SLC23A2: variants seen among roughly 807,000 people sequenced by gnomAD.
The protein encoded by SLC23A2 is Na(+)/L-ascorbic acid transporter 2.
Under a neutral mutation model 73.3 loss-of-function variants are expected in SLC23A2, and 36 were observed. The ratio of observed to expected loss-of-function variants is 0.49; its 90% confidence interval spans 0.38 to 0.65. The LOEUF (loss-of-function observed/expected upper bound fraction) is 0.65. SLC23A2 is among the 30% of genes least tolerant of loss of function. The pLI is 0.00. For missense variants in SLC23A2, 507 were observed against 841.6 expected (o/e 0.60, Z 4.92); for synonymous variants, 343 against 327.3 (o/e 1.05, Z -0.52).
intron 2 of SLC23A2, among the ~76,000 whole-genome samples, chr20:4,943,428 G>A: frequency 6.6e-6 from 1 of 151,968 alleles, no homozygotes; most frequent in Non-Finnish European, 1.5e-5. Flanking sequence ...AGCACTTTGG[G>A]AGGCTGAGGC....
chr20:4,871,002 CT>C (rs1293509935), intron 11 of SLC23A2, among the ~76,000 whole-genome samples: 1 of 152,128 alleles, frequency 6.6e-6, no homozygotes, highest in Non-Finnish European at 1.5e-5. Context: ...TCATTAGATA[CT>C]TTTTTCTTCA....
intron 3 of SLC23A2, 23 bp from the exon 4 acceptor site, chr20:4,913,001 G>GGCC: frequency 6.6e-7 from 1 of 1,518,294 alleles, no homozygotes; most frequent in Non-Finnish European, 9.1e-7. Flanking sequence ...TCCACTTAGA[G>GGCC]GCTGTTTCAG....
At chr20:4,991,810 A>T (rs2087930463) in intron 1 of SLC23A2, among the ~76,000 whole-genome samples, 1 of 151,776 alleles carries the variant, frequency 6.6e-6, no homozygotes, top group Non-Finnish European at 1.5e-5. Context: ...AGAGACACTG[A>T]CTTTTTCTGT....
chr20:4,894,426 C>T (rs1157126776), intron 6 of SLC23A2, among the ~76,000 whole-genome samples: 1 of 152,180 alleles, frequency 6.6e-6, no homozygotes, highest in Non-Finnish European at 1.5e-5. Flanking sequence ...ACTTTCATGC[C>T]AGGGGAGAGA....
chr20:4,965,187 T>A (rs942730608), intron 2 of SLC23A2, among the ~76,000 whole-genome samples: 2 of 152,158 alleles, frequency 1.3e-5, no homozygotes, highest in Non-Finnish European at 2.9e-5. Flanking sequence ...GGGCTAGAGT[T>A]TCCTGGTAAC....
intron 6 of SLC23A2, among the ~76,000 whole-genome samples, chr20:4,897,736 T>C (rs1931597868): frequency 6.6e-6 from 1 of 152,142 alleles, no homozygotes; most frequent in African/African-American, 2.4e-5. Context: ...CTGTGTCCCA[T>C]TAGCAACTTT....
chr20:4,904,036 T>G (rs1010570203), intron 4 of SLC23A2, among the ~76,000 whole-genome samples: 2 of 152,154 alleles, frequency 1.3e-5, no homozygotes, highest in African/African-American at 4.8e-5. Context: ...GGCTCACACC[T>G]GTGGTCCCAG....
At chr20:4,990,910 T>G (rs2087913678) in intron 1 of SLC23A2, among the ~76,000 whole-genome samples, 1 of 143,196 alleles carries the variant, frequency 7.0e-6, no homozygotes, top group South Asian at 2.2e-4. Flanking sequence ...AGAAGGAGGT[T>G]GCAGTGAGCT....
chr20:4,905,184 A>G (rs948225704), intron 4 of SLC23A2, among the ~76,000 whole-genome samples: 10 of 151,454 alleles, frequency 6.6e-5, no homozygotes, highest in Admixed American at 5.3e-4. Context: ...ACACAGGCGC[A>G]TGTATGCACA....
Position 4,862,413 on chromosome 20 carries a change from T to A in SLC23A2, c.1487-328A>T, listed in dbSNP as rs1297741044. On this transcript the variant is annotated intron_variant, in intron 14 of 16. Coordinates refer to ENST00000338244, the MANE Select transcript of SLC23A2 (RefSeq NM_005116.6). This position sits in a 1 kb window ranked among gnomAD's most constrained non-coding sequence, Gnocchi z 5.1. ...CAGGGAGACCTACCTAAATATCTGGTGCATGTCTCTGGTTATTACAGCTAA... is the reference window on the plus strand; with the variant it reads ...CAGGGAGACCTACCTAAATATCTGGAGCATGTCTCTGGTTATTACAGCTAA... 1.3e-5 allele frequency among the ~76,000 whole-genome samples: 2 copies of A among 152,224 alleles called. No individual in the cohort carries two copies. Among genetic ancestry groups the A allele is most frequent in the Non-Finnish European group, 1.5e-5 (1 of 68,036 alleles).
intron 1 of SLC23A2, 119 bp downstream of exon 1, chr20:5,001,287 G>A (rs2088119890): frequency 6.8e-6 from 1 of 147,372 alleles, no homozygotes; most frequent in Non-Finnish European, 1.5e-5. Flanking sequence ...CGGGGCCGGT[G>A]GGTGACAGCG....
rs1931805294 is a variant in SLC23A2 at position 4,902,954 on chromosome 20, A to G, written c.208-396T>C. On this transcript the variant is annotated intron_variant, in intron 4 of 16. Transcript: ENST00000338244. This position sits in a 1 kb window ranked among gnomAD's most constrained non-coding sequence, Gnocchi z 4.0. ...AAAAAAATCTTAGAAAATTTTAACC[A>G]CTTTCAAAGAGACAGCACACTGATC... Among the ~76,000 whole-genome samples the G allele has an allele frequency of 6.6e-6, 1 of 152,032 alleles. No homozygotes were observed. The highest frequency in any genetic ancestry group is 2.4e-5 in the African/African-American group (1 of 41,384).
intron 2 of SLC23A2, among the ~76,000 whole-genome samples, chr20:4,955,177 C>A (rs996218343): frequency 5.9e-5 from 9 of 151,938 alleles, no homozygotes; most frequent in African/African-American, 2.2e-4. Flanking sequence ...TGGCTTGACT[C>A]CATGAGTTTG....
intron 2 of SLC23A2, among the ~76,000 whole-genome samples, chr20:4,966,973 G>C (rs910044843): frequency 5.9e-5 from 9 of 152,066 alleles, no homozygotes; most frequent in Admixed American, 1.3e-4. Context: ...TCCACACACA[G>C]AACTGAGAGG....
At chr20:4,901,406 G>A (rs563265200) in intron 5 of SLC23A2, among the ~76,000 whole-genome samples, 1 of 152,308 alleles carries the variant, frequency 6.6e-6, no homozygotes, top group African/African-American at 2.4e-5. Context: ...AAAATGCTAA[G>A]TCCGACCTCA....
intron 2 of SLC23A2, among the ~76,000 whole-genome samples, chr20:4,953,075 AG>A (rs1452273572): frequency 6.6e-6 from 1 of 152,054 alleles, no homozygotes; most frequent in African/African-American, 2.4e-5. Flanking sequence ...TGGGAGGCCG[AG>A]GCAGGCGGAT....
intron 4 of SLC23A2, among the ~76,000 whole-genome samples, chr20:4,911,524 C>T (rs1044070913): frequency 1.3e-5 from 2 of 152,116 alleles, no homozygotes; most frequent in Non-Finnish European, 1.5e-5. Flanking sequence ...TATGTGTCAA[C>T]TTCTGGGTGG....
chr20:4,867,057 T>TAAAAAA lies in SLC23A2; in HGVS notation c.1356+707_1356+712dup, dbSNP rs71197732. Among the ~76,000 whole-genome samples the TAAAAAA allele has an allele frequency of 2.4e-4, 18 of 76,474 alleles. No individual in the cohort carries two copies. The East Asian group carries it at 6.5e-3, about 27-fold the overall frequency. 50.2% of individuals were successfully genotyped at this position (76,474 alleles called of 152,430 possible). On this transcript the variant is annotated intron_variant, in intron 13 of 16. Coordinates refer to ENST00000338244, the MANE Select transcript of SLC23A2 (RefSeq NM_005116.6). ...TCATCACTGCAGTCAAAGCGATCCCTAAAAAAAAAAAAAAAAAAAAAAAAA... is the reference window on the plus strand; with the variant it reads ...TCATCACTGCAGTCAAAGCGATCCCTAAAAAAAAAAAAAAAAAAAAAAAAAAAAAAA...
At chr20:4,914,834 A>C (rs116031409) in intron 3 of SLC23A2, among the ~76,000 whole-genome samples, 8,598 of 152,238 alleles carry the variant, frequency 0.056, 468 homozygotes, top group African/African-American at 0.14. Flanking sequence ...TGAGGTCGGG[A>C]GTTCGAGACC....
Sources: gnomAD v4.1 joint callset for allele counts (sites outside exome capture counted in the v4.1 genomes callset) on GRCh38, gnomAD v4.1.1 for gene constraint, Gnocchi (gnomAD v3.1) non-coding constraint, MANE v1.5 for transcripts, NCBI Gene and HGNC (gene_info 2026-07-23, HGNC 2026-07-21) for gene names.